Variants in PPM1E observed in about 807,000 individuals in gnomAD.
PPM1E encodes the protein protein phosphatase 1E.
Under a neutral mutation model 65.9 loss-of-function variants are expected in PPM1E, and 20 were observed. The observed-to-expected ratio is 0.30, with a 90% CI of 0.21 to 0.44. The LOEUF is 0.44. Among genes scored for constraint, PPM1E ranks in the 20% least tolerant of loss-of-function variants. PPM1E has a pLI of 1.00. For synonymous variants in PPM1E, 352 were observed against 374.9 expected, an observed-to-expected ratio of 0.94 and a Z score of 0.70; for missense variants, 713 against 953.1, an observed-to-expected ratio of 0.75 and a Z score of 3.32.
intron 2 of PPM1E, among the ~76,000 whole-genome samples, chr17:58,957,296 TC>T (rs969803649): frequency 1.1e-4 from 17 of 152,194 alleles, no homozygotes; most frequent in African/African-American, 3.9e-4. Context: ...CTTACGCTAC[TC>T]CCTGCAGAAG....
intron 1 of PPM1E, among the ~76,000 whole-genome samples, chr17:58,866,823 G>A (rs188983210): frequency 2.6e-5 from 4 of 152,202 alleles, no homozygotes; most frequent in Admixed American, 2.0e-4. Context: ...CCAAAAGGTG[G>A]GTGTTCAGTA....
chr17:58,899,672 T>C (rs896867181), intron 1 of PPM1E: 5 of 211,714 alleles, frequency 2.4e-5, no homozygotes, highest in African/African-American at 1.2e-4. Flanking sequence ...CATCGAAGAG[T>C]ACTTCAAATG....
chr17:58,921,989 G>A (rs1051767553), intron 1 of PPM1E, among the ~76,000 whole-genome samples: 40 of 151,058 alleles, frequency 2.6e-4, no homozygotes, highest in African/African-American at 9.2e-4. Context: ...GCAGTGAGCC[G>A]AGATTGCACC....
intron 1 of PPM1E, among the ~76,000 whole-genome samples, chr17:58,801,881 T>C (rs1283556786): frequency 6.6e-6 from 1 of 152,082 alleles, no homozygotes; most frequent in African/African-American, 2.4e-5. Context: ...CTCAGCCTCC[T>C]GAGTAACTGG....
At chr17:58,907,109 G>C (rs889875684) in intron 1 of PPM1E, among the ~76,000 whole-genome samples, 5 of 152,106 alleles carry the variant, frequency 3.3e-5, no homozygotes, top group Non-Finnish European at 7.4e-5. Flanking sequence ...AGTCGAGCGT[G>C]GTGGCACATG....
chr17:58,847,912 G>A (rs2050787986), intron 1 of PPM1E, among the ~76,000 whole-genome samples: 1 of 152,156 alleles, frequency 6.6e-6, no homozygotes, highest in Non-Finnish European at 1.5e-5. Flanking sequence ...AGCATGGAAT[G>A]TTCTTCCATT....
intron 1 of PPM1E, among the ~76,000 whole-genome samples, chr17:58,830,292 GTTATTATTATTATTA>G (rs376605107): frequency 1.4e-5 from 2 of 146,816 alleles, no homozygotes; most frequent in Admixed American, 1.4e-4. Flanking sequence ...TGTTGTTGTT[GTTATTATTATTATTA>G]TTATTATTAT....
intron 1 of PPM1E, among the ~76,000 whole-genome samples, chr17:58,868,298 G>A (rs1401343833): frequency 1.3e-5 from 2 of 152,128 alleles, no homozygotes; most frequent in South Asian, 2.1e-4. Flanking sequence ...CAGCCTGGGT[G>A]ACAGAATGAG....
At chr17:58,897,656 T>C (rs1421184859) in intron 1 of PPM1E, 4 of 152,228 alleles carry the variant, frequency 2.6e-5, no homozygotes, top group Non-Finnish European at 5.9e-5. Flanking sequence ...GCAAATACGT[T>C]GAAAACTTTC....
chr17:58,931,066 T>TAAAAAAAA (rs774968022), intron 1 of PPM1E, among the ~76,000 whole-genome samples: 4 of 83,130 alleles, frequency 4.8e-5, no homozygotes, highest in East Asian at 3.3e-4. Context: ...ATACAAAAAT[T>TAAAAAAAA]AAAAAAAAAA....
At chr17:58,848,841 A>G (rs555608401) in intron 1 of PPM1E, among the ~76,000 whole-genome samples, 47 of 152,360 alleles carry the variant, frequency 3.1e-4, no homozygotes, top group African/African-American at 1.1e-3. Context: ...TAGTTTCAGA[A>G]GGAATGGTAC....
chr17:58,960,858 T>C (rs1189566718), intron 2 of PPM1E, among the ~76,000 whole-genome samples: 1 of 151,154 alleles, frequency 6.6e-6, no homozygotes, highest in African/African-American at 2.4e-5. Flanking sequence ...TTAAGAAATA[T>C]GAAGGACTTA....
intron 1 of PPM1E, among the ~76,000 whole-genome samples, chr17:58,837,638 C>T (rs1388172819): frequency 6.6e-6 from 1 of 151,794 alleles, no homozygotes; most frequent in East Asian, 1.9e-4. Flanking sequence ...GCTGGGATTA[C>T]AGGTGCCCAC....
intron 1 of PPM1E, among the ~76,000 whole-genome samples, chr17:58,873,855 C>T (rs947048177): frequency 2.6e-5 from 4 of 151,246 alleles, no homozygotes; most frequent in African/African-American, 9.7e-5. Flanking sequence ...CCTTAGCCCC[C>T]CAAAGGGCTA....
intron 1 of PPM1E, among the ~76,000 whole-genome samples, chr17:58,762,663 C>T (rs927491957): frequency 6.6e-6 from 1 of 151,878 alleles, no homozygotes; most frequent in Non-Finnish European, 1.5e-5. Flanking sequence ...TTTGGGAGGC[C>T]GAGGCGGGCG....
intron 6 of PPM1E, among the ~76,000 whole-genome samples, chr17:58,973,587 G>T (rs1051344758): frequency 4.0e-5 from 6 of 151,428 alleles, no homozygotes; most frequent in African/African-American, 7.3e-5. Context: ...GGCTGAAGAG[G>T]GTTTGAGCCC....
At chr17:58,805,700 GGAAA>G (rs1353126201) in intron 1 of PPM1E, among the ~76,000 whole-genome samples, 1 of 151,776 alleles carries the variant, frequency 6.6e-6, no homozygotes, top group Non-Finnish European at 1.5e-5. Context: ...ACCCCTGAAT[GGAAA>G]GAAAGTCATC....
intron 1 of PPM1E, among the ~76,000 whole-genome samples, chr17:58,870,302 T>C (rs1043854288): frequency 2.0e-5 from 3 of 152,238 alleles, no homozygotes; most frequent in African/African-American, 4.8e-5. Flanking sequence ...CTAAGTACCA[T>C]TGAAAATAGC....
chr17:58,946,892 T>C (rs890728318), intron 1 of PPM1E, among the ~76,000 whole-genome samples: 3 of 152,100 alleles, frequency 2.0e-5, no homozygotes, highest in African/African-American at 4.8e-5. Flanking sequence ...AGAAAACCAT[T>C]GCCTAATCCA....
Sources: allele counts gnomAD v4.1 joint callset (sites outside exome capture counted in the v4.1 genomes callset), GRCh38; gene constraint gnomAD v4.1.1; transcripts MANE v1.5; gene names NCBI Gene and HGNC (gene_info 2026-07-23, HGNC 2026-07-21).